Variants in PCLO observed in about 807,000 individuals in gnomAD.
PCLO encodes protein piccolo.
Under a neutral mutation model 427.5 loss-of-function variants are expected in PCLO, and 82 were observed. That is an observed-to-expected ratio of 0.19 (90% CI 0.16 to 0.23). The LOEUF is 0.23. Among genes scored for constraint, PCLO ranks in the 10% least tolerant of loss-of-function variants. The pLI is 1.00. For missense variants in PCLO, 6,239 were observed against 6,115.9 expected, an observed-to-expected ratio of 1.02 and a Z score of -0.67; for synonymous variants, 2,357 against 2,155.4, an observed-to-expected ratio of 1.09 and a Z score of -2.59.
intron 11 of PCLO, 121 bp downstream of exon 11, chr7:82,847,018 C>T: frequency 1.6e-6 from 1 of 611,218 alleles, no homozygotes; most frequent in South Asian, 2.1e-5. Flanking sequence ...GGCTTTGATT[C>T]ACTTTATTTT....
At chr7:83,077,537 C>A (rs1299690946) in intron 3 of PCLO, among the ~76,000 whole-genome samples, 2 of 151,926 alleles carry the variant, frequency 1.3e-5, no homozygotes, top group Non-Finnish European at 2.9e-5. Context: ...AGACTTCATG[C>A]CAAGTTTAAA....
rs1205901368 is a variant in PCLO, at chr7:83,133,752, GTTC to G, written c.3300+495_3300+497del. Among the ~76,000 whole-genome samples the G allele has an allele frequency of 5.9e-5, 9 of 152,038 alleles. No individual in the cohort carries two copies. The East Asian group carries it at 1.7e-3, about 29-fold the overall frequency. On this transcript the variant is annotated intron_variant, in intron 3 of 24. Transcript: ENST00000333891. ...ACAAAGTTCTTAACAGTTTTTAACT[GTTC>G]TTAACATAGTAGATTTTATGGTGTT...
intron 3 of PCLO, among the ~76,000 whole-genome samples, chr7:83,109,204 A>C (rs570835076): frequency 1.3e-5 from 2 of 152,148 alleles, no homozygotes; most frequent in Non-Finnish European, 2.9e-5. Flanking sequence ...ACTAGAAAAA[A>C]TGCCTACAAT....
At chr7:82,773,120 C>T (rs982766312) in intron 22 of PCLO, among the ~76,000 whole-genome samples, 1 of 152,128 alleles carries the variant, frequency 6.6e-6, no homozygotes, top group African/African-American at 2.4e-5. Flanking sequence ...TTTATATTGA[C>T]TTTTGATCTA....
intron 20 of PCLO, among the ~76,000 whole-genome samples, chr7:82,813,087 A>G (rs1345409359): frequency 6.6e-6 from 1 of 151,774 alleles, no homozygotes; most frequent in African/African-American, 2.4e-5. Context: ...ATGGAATCCG[A>G]ACATTTTGAA....
chr7:82,758,810 A>T, intron 24 of PCLO, 95 bp from the exon 25 acceptor site: 1 of 713,216 alleles, frequency 1.4e-6, no homozygotes, highest in Non-Finnish European at 2.3e-6. Context: ...ATCATCAAAG[A>T]CATAGCACGA....
chr7:82,853,347 C>T (rs981103580), intron 10 of PCLO, among the ~76,000 whole-genome samples: 1 of 151,940 alleles, frequency 6.6e-6, no homozygotes, highest in Non-Finnish European at 1.5e-5. Context: ...CTATGGGTAC[C>T]CTTAGACACA....
At chr7:83,009,864 AG>A (rs1415358910) in intron 3 of PCLO, among the ~76,000 whole-genome samples, 1 of 151,970 alleles carries the variant, frequency 6.6e-6, no homozygotes, top group Non-Finnish European at 1.5e-5. Context: ...TCTTAAGGTT[AG>A]AATATAATAA....
chr7:82,819,339 C>T (rs1791741924), intron 20 of PCLO, among the ~76,000 whole-genome samples: 1 of 151,674 alleles, frequency 6.6e-6, no homozygotes, highest in Non-Finnish European at 1.5e-5. Flanking sequence ...ATTAAAAACA[C>T]TTTAATATAA....
intron 3 of PCLO, among the ~76,000 whole-genome samples, chr7:83,098,466 C>G (rs1465798406): frequency 6.6e-6 from 1 of 152,210 alleles, no homozygotes; most frequent in East Asian, 1.9e-4. Context: ...AGCTTACAGT[C>G]TCGATAACAT....
intron 13 of PCLO, among the ~76,000 whole-genome samples, chr7:82,841,740 T>G (rs910082818): frequency 6.6e-5 from 10 of 152,212 alleles, no homozygotes; most frequent in African/African-American, 2.4e-4. Flanking sequence ...GCTTTGAAGC[T>G]GTAATTTTAT....
At chr7:83,058,915 G>A (rs930904796) in intron 3 of PCLO, among the ~76,000 whole-genome samples, 2 of 152,070 alleles carry the variant, frequency 1.3e-5, no homozygotes, top group African/African-American at 4.8e-5. Flanking sequence ...ATATTCATTT[G>A]AGCAAAATTA....
At chr7:83,051,144 G>C (rs140285737) in intron 3 of PCLO, among the ~76,000 whole-genome samples, 179 of 152,094 alleles carry the variant, frequency 1.2e-3, no homozygotes, top group Non-Finnish European at 2.2e-3. Context: ...TATTCCCATA[G>C]GATTGGGAAT....
intron 2 of PCLO, among the ~76,000 whole-genome samples, chr7:83,147,644 G>A (rs1014809090): frequency 1.3e-5 from 2 of 152,084 alleles, no homozygotes; most frequent in African/African-American, 2.4e-5. Flanking sequence ...TACCAAGGCT[G>A]AAGATGTAAA....
At chr7:83,131,216 T>G (rs1791563461) in intron 3 of PCLO, among the ~76,000 whole-genome samples, 1 of 152,326 alleles carries the variant, frequency 6.6e-6, no homozygotes, top group Middle Eastern at 3.4e-3. Context: ...TGTCTCTTGC[T>G]GTCAGAGGTT....
At chr7:82,895,343 A>C (rs1411357393) in intron 9 of PCLO, among the ~76,000 whole-genome samples, 1 of 151,994 alleles carries the variant, frequency 6.6e-6, no homozygotes, top group Non-Finnish European at 1.5e-5. Context: ...GAAAATACAT[A>C]GTTTTAAATG....
chr7:83,017,025 T>C (rs1788226031), intron 3 of PCLO, among the ~76,000 whole-genome samples: 2 of 152,078 alleles, frequency 1.3e-5, no homozygotes, highest in Admixed American at 1.3e-4. Flanking sequence ...ATTATGGCTC[T>C]ATTCAGACTG....
At chr7:83,098,512 T>C (rs1790651428) in intron 3 of PCLO, among the ~76,000 whole-genome samples, 1 of 152,194 alleles carries the variant, frequency 6.6e-6, no homozygotes, top group African/African-American at 2.4e-5. Flanking sequence ...TCTTAAACTT[T>C]ATATATCTGT....
At chr7:83,002,451 C>T (rs1031188963) in intron 3 of PCLO, among the ~76,000 whole-genome samples, 2 of 151,892 alleles carry the variant, frequency 1.3e-5, no homozygotes, top group African/African-American at 2.4e-5. Flanking sequence ...TTATTCCCCA[C>T]ACAATGTATA....
Sources: allele counts gnomAD v4.1 joint callset (sites outside exome capture counted in the v4.1 genomes callset), GRCh38; gene constraint gnomAD v4.1.1; transcripts MANE v1.5; gene names NCBI Gene and HGNC (gene_info 2026-07-23, HGNC 2026-07-21).